NEK5: variants seen among roughly 807,000 people sequenced by gnomAD.
NEK5 encodes NIMA related kinase 5.
In NEK5, 88 loss-of-function variants were observed where a neutral mutation model predicts 109.2. That is an observed-to-expected ratio of 0.81 (90% CI 0.68 to 0.96). The LOEUF is 0.96. Ranked by LOEUF, NEK5 falls within the 40% of genes least tolerant of loss-of-function variation. The pLI is 0.00. For missense variants in NEK5, 834 were observed against 920.7 expected (o/e 0.91, Z 1.22); for synonymous variants, 283 against 299.9 (o/e 0.94, Z 0.58).
At chr13:52,058,218 T>A (rs1285373934) in intron 22 of NEK5, among the ~76,000 whole-genome samples, 37 of 120,674 alleles carry the variant, frequency 3.1e-4, no homozygotes, top group African/African-American at 5.4e-4. Context: ...TCAAAGAGAA[T>A]AAAATACCTA....
intron 4 of NEK5, among the ~76,000 whole-genome samples, chr13:52,114,387 C>T (rs530354507): frequency 3.9e-5 from 6 of 152,204 alleles, no homozygotes; most frequent in Non-Finnish European, 8.8e-5. Context: ...TTAAAGTACC[C>T]TAACCAACTT....
intron 17 of NEK5, 76 bp downstream of exon 17, chr13:52,083,184 A>T: frequency 1.0e-6 from 1 of 981,460 alleles, no homozygotes; most frequent in Non-Finnish European, 1.6e-6. Flanking sequence ...GTTCTGCTGC[A>T]CAGAGAAGGG....
intron 9 of NEK5, among the ~76,000 whole-genome samples, chr13:52,103,417 C>T (rs1029579848): frequency 8.5e-5 from 13 of 152,162 alleles, no homozygotes; most frequent in Admixed American, 2.6e-4. Flanking sequence ...GGCAACAGAG[C>T]GGGACTCCAT....
intron 16 of NEK5, 21 bp from the exon 17 acceptor site, chr13:52,083,373 A>T: frequency 1.4e-6 from 2 of 1,473,422 alleles, no homozygotes; most frequent in Non-Finnish European, 1.9e-6. Flanking sequence ...AATTATACAC[A>T]GTCAACAAGA....
At chr13:52,066,803 CA>C (rs60602057) in intron 20 of NEK5, among the ~76,000 whole-genome samples, 3,285 of 110,100 alleles carry the variant, frequency 0.03, 23 homozygotes, top group African/African-American at 0.044. Flanking sequence ...GACGCTGTCT[CA>C]AAAAAAAAAA....
intron 23 of NEK5, among the ~76,000 whole-genome samples, chr13:52,042,506 GAAAC>G (rs1217450563): frequency 6.6e-6 from 1 of 151,542 alleles, no homozygotes; most frequent in African/African-American, 2.4e-5. Context: ...AGACAGAAAA[GAAAC>G]AATGTTGATA....
chr13:52,102,001 T>G lies in NEK5; in HGVS notation c.824A>C (p.Glu275Ala), dbSNP rs1374407364. ...KYLTPEVIQE[E>A]FSHMLICRAG... The stretch of plus-strand genomic sequence containing the variant: ...TCTGCATATAAGCATGTGACTGAAT[T>G]CTTCCTGAATGACCTAAAACCGAAC... The change falls in exon 11 of 24, where the codon GAA becomes GCA. Residue 275 changes from glutamate to alanine, a missense_variant. Physicochemically the swap from Glu to Ala is moderately radical, Grantham distance 107 (BLOSUM62 -1). This residue lies in a region of NEK5 where 777 missense variants were observed against 824.7 expected (regional missense o/e 0.94). Transcript: ENST00000684899. 1 of 1,614,132 alleles carries G rather than the reference T, an allele frequency of 6.2e-7. No homozygotes were observed. The highest frequency in any genetic ancestry group is 1.1e-5 in the South Asian group (1 of 91,078).
At position 52,049,220 on chromosome 13, in the gene NEK5, C is replaced by G. The variant is rs1244057596; in HGVS notation, c.2228+884G>C. The stretch of plus-strand genomic sequence containing the variant: ...GGAGGACAACTTGAAGCTGGGAGTT[C>G]AAGACCAGCCTGCACAACATAACAA... On this transcript the variant is annotated intron_variant, in intron 23 of 23. Transcript: ENST00000684899. 1.3e-4 allele frequency among the ~76,000 whole-genome samples: 20 copies of G among 151,996 alleles called. 1 individual carries two copies. The highest frequency in any genetic ancestry group is 4.4e-5 in the Non-Finnish European group (3 of 68,014).
rs895346985 is a variant in NEK5, at chr13:52,062,507, G to A, written c.1976-554C>T. ...ACGATCTTGGCTCACTGCAACCTCC[G>A]CCGCCCAGGTTCAAGCAATTCTCCT... On this transcript the variant is annotated intron_variant, in intron 21 of 23. Coordinates refer to ENST00000684899, the MANE Select transcript of NEK5 (RefSeq NM_001365552.1). Among the ~76,000 whole-genome samples the A allele has an allele frequency of 5.3e-4, 80 of 150,686 alleles. 2 individuals carry two copies. Among genetic ancestry groups the A allele is most frequent in the South Asian group, 2.1e-4 (1 of 4,746 alleles).
intron 15 of NEK5, among the ~76,000 whole-genome samples, chr13:52,086,804 A>T (rs1955153063): frequency 8.1e-6 from 1 of 122,934 alleles, no homozygotes; most frequent in Admixed American, 8.5e-5. Flanking sequence ...TGTCCTTGCA[A>T]GAAGATGGCC....
In NEK5 at chr13:52,080,864, C is replaced by T. The variant is rs559424874; in HGVS notation, c.1572+2396G>A. The stretch of plus-strand genomic sequence containing the variant: ...TATGACCCTGCCAAATACCCCTCTG[C>T]GAGAAACACCCAAGAATGATCAATT... On this transcript the variant is annotated intron_variant, in intron 17 of 23. Coordinates refer to ENST00000684899, the MANE Select transcript of NEK5 (RefSeq NM_001365552.1). Among the ~76,000 whole-genome samples, 10 of 140,640 alleles carry T rather than the reference C, an allele frequency of 7.1e-5. No individual in the cohort carries two copies. The South Asian group carries it at 9.1e-4, about 13-fold the overall frequency. 92.3% of individuals were successfully genotyped at this position (140,640 alleles called of 152,430 possible).
chr13:52,039,411 T>A (rs746334177), intron 23 of NEK5, among the ~76,000 whole-genome samples: 3 of 152,178 alleles, frequency 2.0e-5, no homozygotes, highest in Non-Finnish European at 4.4e-5. Flanking sequence ...ACTGTTACCA[T>A]TCCTGAGATA....
chr13:52,103,166 C>T (rs78241407), intron 9 of NEK5, among the ~76,000 whole-genome samples: 4 of 152,272 alleles, frequency 2.6e-5, no homozygotes, highest in Non-Finnish European at 5.9e-5. Context: ...TGGTGGCTCA[C>T]GCCTGTAATC....
Position 52,112,265 on chromosome 13 carries a change from T to A in NEK5, c.312+3A>T. On this transcript the variant is annotated splice_donor_region_variant and intron_variant, in intron 5 of 23. Coordinates refer to ENST00000684899, the MANE Select transcript of NEK5 (RefSeq NM_001365552.1). ...AATTAAAAAGCAAATTAGAAGTTTT[T>A]ACCTGATCTTCACTAAATAACACAC... 1 of 1,574,760 alleles carries A rather than the reference T, an allele frequency of 6.4e-7. No homozygotes were observed.
chr13:52,092,431 AAAAG>A (rs1004436609), intron 13 of NEK5, among the ~76,000 whole-genome samples: 3 of 152,036 alleles, frequency 2.0e-5, no homozygotes, highest in African/African-American at 7.2e-5. Flanking sequence ...TAACAAAAAA[AAAAG>A]AAAGAAAGGC....
At chr13:52,055,836 C>CA (rs1954549706) in intron 22 of NEK5, among the ~76,000 whole-genome samples, 1 of 152,056 alleles carries the variant, frequency 6.6e-6, no homozygotes, top group South Asian at 2.1e-4. Flanking sequence ...CCAGCCACTG[C>CA]AAAATCATGC....
At chr13:52,042,859 G>A (rs1954425189) in intron 23 of NEK5, among the ~76,000 whole-genome samples, 1 of 151,736 alleles carries the variant, frequency 6.6e-6, no homozygotes, top group African/African-American at 2.4e-5. Flanking sequence ...AAAAGGCTAG[G>A]AAAGAAGGGT....
chr13:52,088,003 C>T (rs1955190938), intron 14 of NEK5, among the ~76,000 whole-genome samples: 1 of 150,866 alleles, frequency 6.6e-6, no homozygotes, highest in South Asian at 2.1e-4. Flanking sequence ...TCTTAGCTCA[C>T]TGTAACCTTT....
In NEK5 at chr13:52,076,137, C is replaced by A; in HGVS notation, c.1579G>T (p.Glu527Ter). The change falls in exon 18 of 24, where the codon GAA (glutamate) becomes TAA (stop). Residue 527 changes from glutamate to a stop codon, truncating the protein, a stop_gained. Coordinates refer to ENST00000684899, the MANE Select transcript of NEK5 (RefSeq NM_001365552.1). LOFTEE classifies it high-confidence loss of function. ...SEGEAPVQDI[E>*]KDLKQMRLQN... is the part of the protein sequence containing the mutation. Reference sequence around the variant, plus strand: ...AGCCTCATTTGTTTCAAGTCTTTTTCAATGTCCTGAAAATTTAGAGAAAAA... The same window carrying A: ...AGCCTCATTTGTTTCAAGTCTTTTTAAATGTCCTGAAAATTTAGAGAAAAA... 1 of 1,577,760 alleles carries A rather than the reference C, an allele frequency of 6.3e-7. No individual in the cohort carries two copies. The highest frequency in any genetic ancestry group is 1.1e-5 in the South Asian group (1 of 88,090).
Sources: allele counts gnomAD v4.1 joint callset (sites outside exome capture counted in the v4.1 genomes callset), GRCh38; gene constraint gnomAD v4.1.1; regional missense constraint gnomAD v4.1.1; transcripts MANE v1.5; gene names NCBI Gene and HGNC (gene_info 2026-07-23, HGNC 2026-07-21).